NTM: variants seen among roughly 807,000 people sequenced by gnomAD.
The protein encoded by NTM is neurotrimin, also known as IgLON family member 2.
A neutral mutation model predicts 42.1 loss-of-function variants in NTM; 13 were observed. That is an observed-to-expected ratio of 0.31 (90% CI 0.20 to 0.49). The LOEUF is 0.49. Ranked by LOEUF, NTM falls within the 20% of genes least tolerant of loss-of-function variation. The pLI is 0.99. For missense variants in NTM, 373 were observed against 452.8 expected, an observed-to-expected ratio of 0.82 and a Z score of 1.60; for synonymous variants, 187 against 179.2, an observed-to-expected ratio of 1.04 and a Z score of -0.35.
At chr11:131,723,844 A>G (rs1023010129) in intron 1 of NTM, among the ~76,000 whole-genome samples, 8 of 152,048 alleles carry the variant, frequency 5.3e-5, no homozygotes, top group African/African-American at 1.9e-4. Flanking sequence ...GTGTGTGTGC[A>G]TGAGAAAGAG....
intron 2 of NTM, among the ~76,000 whole-genome samples, chr11:132,069,899 C>T (rs1326857055): frequency 1.7e-4 from 25 of 150,114 alleles, no homozygotes; most frequent in African/African-American, 5.8e-4. Flanking sequence ...TTAGTTTACA[C>T]GTCACACAGC....
intron 1 of NTM, among the ~76,000 whole-genome samples, chr11:131,545,369 T>C (rs1303004494): frequency 6.6e-6 from 1 of 152,170 alleles, no homozygotes; most frequent in Non-Finnish European, 1.5e-5. Flanking sequence ...CTTGATGACT[T>C]TTTTTCTCTC....
chr11:131,999,689 CT>C (rs2068791233), intron 2 of NTM, among the ~76,000 whole-genome samples: 1 of 152,188 alleles, frequency 6.6e-6, no homozygotes, highest in African/African-American at 2.4e-5. Flanking sequence ...GAGCCTTGTT[CT>C]TTTCTTAAAT....
intron 4 of NTM, among the ~76,000 whole-genome samples, chr11:132,251,611 G>A (rs1218780838): frequency 3.3e-5 from 5 of 152,186 alleles, no homozygotes; most frequent in African/African-American, 4.8e-5. Context: ...GTTTCACTTT[G>A]TACAAAGATC....
At chr11:131,912,287 G>A (rs80341196) in intron 2 of NTM, among the ~76,000 whole-genome samples, 2,097 of 152,288 alleles carry the variant, frequency 0.014, 21 homozygotes, top group Non-Finnish European at 0.02. Context: ...TTACTGTAGT[G>A]AACTGTGTTC....
intron 1 of NTM, among the ~76,000 whole-genome samples, chr11:131,799,055 G>A (rs1934103010): frequency 6.6e-6 from 1 of 152,218 alleles, no homozygotes; most frequent in Non-Finnish European, 1.5e-5. Flanking sequence ...AAATTTGCCA[G>A]CAACTCTTTT....
chr11:131,795,582 G>A (rs892270351), intron 1 of NTM: 32 of 985,266 alleles, frequency 3.2e-5, no homozygotes, highest in South Asian at 9.4e-5. Context: ...GGGAGTCCCC[G>A]CGAGAACCCT....
At chr11:131,951,075 A>G (rs1341717114) in intron 2 of NTM, among the ~76,000 whole-genome samples, 2 of 152,200 alleles carry the variant, frequency 1.3e-5, no homozygotes, top group African/African-American at 4.8e-5. Flanking sequence ...TGTAGCCTTA[A>G]GCAAGGATGA....
At chr11:131,729,145 G>GT (rs1230028600) in intron 1 of NTM, among the ~76,000 whole-genome samples, 3 of 151,998 alleles carry the variant, frequency 2.0e-5, no homozygotes, top group South Asian at 2.1e-4. Flanking sequence ...TCTGTCCTGA[G>GT]TTTTTTTTAT....
chr11:131,592,881 C>T (rs1225849362), intron 1 of NTM, among the ~76,000 whole-genome samples: 3 of 152,218 alleles, frequency 2.0e-5, no homozygotes, highest in African/African-American at 7.2e-5. Context: ...AGCCTGCCAT[C>T]ATCTCTGATG....
chr11:131,558,466 T>G (rs1427475681), intron 1 of NTM, among the ~76,000 whole-genome samples: 2 of 152,220 alleles, frequency 1.3e-5, no homozygotes, highest in Non-Finnish European at 2.9e-5. Context: ...CTAATCCTCC[T>G]GGTTTTATGA....
chr11:132,112,010 T>C (rs2063276055), intron 2 of NTM, among the ~76,000 whole-genome samples: 1 of 152,244 alleles, frequency 6.6e-6, no homozygotes, highest in South Asian at 2.1e-4. Context: ...AGACTACAAA[T>C]AGCTGCTCTG....
At chr11:132,046,416 A>G (rs1225590538) in intron 2 of NTM, among the ~76,000 whole-genome samples, 2 of 152,124 alleles carry the variant, frequency 1.3e-5, no homozygotes, top group African/African-American at 2.4e-5. Flanking sequence ...TTTACATAAC[A>G]ACACAGCAAT....
At chr11:131,841,864 C>T (rs1445699733) in intron 1 of NTM, among the ~76,000 whole-genome samples, 1 of 152,166 alleles carries the variant, frequency 6.6e-6, no homozygotes, top group Non-Finnish European at 1.5e-5. Context: ...GAGCGTGTCC[C>T]ACTCAGAAAT....
At chr11:132,283,385 A>G (rs2094083695) in intron 4 of NTM, among the ~76,000 whole-genome samples, 1 of 152,102 alleles carries the variant, frequency 6.6e-6, no homozygotes, top group Non-Finnish European at 1.5e-5. Flanking sequence ...AGCCAGCCCA[A>G]TAGTTCTAAG....
intron 1 of NTM, among the ~76,000 whole-genome samples, chr11:131,789,463 GAA>G (rs1454511173): frequency 1.5e-4 from 2 of 13,466 alleles, no homozygotes; most frequent in East Asian, 1.5e-3. Flanking sequence ...AGAAGAAGAA[GAA>G]GAAGAAGAAG....
intron 1 of NTM, among the ~76,000 whole-genome samples, chr11:131,853,190 A>G (rs930657201): frequency 1.3e-4 from 19 of 151,996 alleles, no homozygotes; most frequent in Admixed American, 1.2e-3. Context: ...TAATGAGAAT[A>G]TGTTCTACAC....
intron 1 of NTM, among the ~76,000 whole-genome samples, chr11:131,873,562 C>CGTATATATATACATATATATATACG (rs2048041918): frequency 3.0e-5 from 1 of 33,120 alleles, no homozygotes; most frequent in Admixed American, 3.5e-4. Flanking sequence ...ATATATATAC[C>CGTATATATATACATATATATATACG]GTATATATAT....
intron 1 of NTM, among the ~76,000 whole-genome samples, chr11:131,398,913 GAAAGT>G (rs1944836607): frequency 6.6e-6 from 1 of 152,110 alleles, no homozygotes; most frequent in African/African-American, 2.4e-5. Flanking sequence ...AACATTACAT[GAAAGT>G]AATTTTATTT....
Sources: gnomAD v4.1 joint callset for allele counts (sites outside exome capture counted in the v4.1 genomes callset) on GRCh38, gnomAD v4.1.1 for gene constraint, MANE v1.5 for transcripts, NCBI Gene and HGNC (gene_info 2026-07-23, HGNC 2026-07-21) for gene names.